Variants in TCTN1 observed in about 807,000 individuals in gnomAD.
TCTN1 encodes tectonic-1.
A neutral mutation model predicts 65.8 loss-of-function variants in TCTN1; 58 were observed. That is an observed-to-expected ratio of 0.88 (90% CI 0.71 to 1.10). TCTN1 has a LOEUF of 1.10. Ranked by LOEUF, TCTN1 falls within the 50% of genes least tolerant of loss-of-function variation. The probability of loss-of-function intolerance (pLI) is 0.00; values close to 1 mark genes in which losing one functional copy is unlikely to be tolerated. For missense variants in TCTN1, 645 were observed against 719.4 expected (o/e 0.90, Z 1.18); for synonymous variants, 273 against 289.1 (o/e 0.94, Z 0.57).
At chr12:110,645,570 C>T (rs1194795971) in intron 12 of TCTN1, 1 of 236,234 alleles carries the variant, frequency 4.2e-6, no homozygotes. Context: ...AAGACTGAGA[C>T]TGACTTCCGT....
At chr12:110,628,405 A>G (rs553934388) in intron 3 of TCTN1, among the ~76,000 whole-genome samples, 2 of 147,264 alleles carry the variant, frequency 1.4e-5, no homozygotes, top group African/African-American at 2.5e-5. Flanking sequence ...CAGTGGCGCT[A>G]TCTCAGCTCA....
chr12:110,624,965 A>T (rs190659027), intron 2 of TCTN1, among the ~76,000 whole-genome samples: 3 of 152,260 alleles, frequency 2.0e-5, no homozygotes, highest in Admixed American at 1.3e-4. Context: ...AAGTGCTGGG[A>T]TTAGAGGCAT....
Position 110,628,868 on chromosome 12 carries a change from T to A in TCTN1, c.574T>A (p.Tyr192Asn), listed in dbSNP as rs370252911. 58 of 1,613,650 alleles carry A rather than the reference T, an allele frequency of 3.6e-5. No homozygotes were observed. The highest frequency in any genetic ancestry group is 5.0e-5 in the Admixed American group (3 of 59,998). Residue 192 changes from tyrosine to asparagine, a missense_variant, in exon 4 of 15, where the codon TAT (tyrosine) becomes AAT (asparagine). Transcript: ENST00000397659. ...TGGTTTTACATTGAATGCTGAATCA[T>A]ATGTTTCCTTCACAACCAAACTGGA... Reference protein sequence around the residue: ...SDGFTLNAESYVSFTTKLDIP... With the variant: ...SDGFTLNAESNVSFTTKLDIP...
At chr12:110,620,694 A>G (rs1393155338) in intron 2 of TCTN1, among the ~76,000 whole-genome samples, 3 of 152,198 alleles carry the variant, frequency 2.0e-5, no homozygotes, top group Admixed American at 2.0e-4. Flanking sequence ...TAAATCTACC[A>G]GGAATTCTCA....
chr12:110,641,100 G>T lies in TCTN1; in HGVS notation c.1055G>T (p.Ser352Ile), dbSNP rs2066919884. The change falls in exon 9 of 15, where the codon AGC becomes ATC. Residue 352 changes from serine to isoleucine, a missense_variant. Ser to Ile is a moderately radical substitution (Grantham distance 142). Coordinates refer to ENST00000397659, the MANE Select transcript of TCTN1 (RefSeq NM_001082538.3). The stretch of plus-strand genomic sequence containing the variant: ...CTCTCATTCGTTCTGGGGACAGTTA[G>T]CAGCGTAGTGGTCCCACTGCAGCAA... ...ADLSFVLGTV[S>I]SVVVPLQQKF... 6.2e-7 allele frequency: 1 copy of T among 1,614,224 alleles called. No homozygotes were observed. The highest frequency in any genetic ancestry group is 2.2e-5 in the East Asian group (1 of 44,892).
rs886048958 is a variant in TCTN1, at chr12:110,626,384, C to A, written c.364C>A (p.Gln122Lys). ...CAGGGGCGACAGCCAGTTTTGTAGT[C>A]AAAAAGCAGTCATCTATTCATTGAA... ...VVTGDSQFCS[Q>K]KAVIYSLNFT... Residue 122 changes from glutamine (Q) to lysine (K), a missense_variant, in exon 3 of 15, where the codon CAA (glutamine) becomes AAA (lysine). By Grantham distance (53) the Gln-to-Lys change is moderately conservative. Coordinates refer to ENST00000397659, the MANE Select transcript of TCTN1 (RefSeq NM_001082538.3). 3 of 1,592,966 alleles carry A rather than the reference C, an allele frequency of 1.9e-6. No homozygotes were observed. The highest frequency in any genetic ancestry group is 1.1e-5 in the South Asian group (1 of 89,402).
chr12:110,648,725 C>CTCCGA (rs2067588672), intron 14 of TCTN1: 1 of 248,144 alleles, frequency 4.0e-6, no homozygotes, highest in Admixed American at 5.7e-5. Context: ...CTAGCTTGCT[C>CTCCGA]TCCGACTGGC....
chr12:110,634,250 G>T (rs2066412533), intron 5 of TCTN1: 1 of 334,470 alleles, frequency 3.0e-6, no homozygotes, highest in Non-Finnish European at 6.0e-6. Flanking sequence ...GAAGCCTCAT[G>T]CCAGTTGCCT....
chr12:110,640,355 T>G lies in TCTN1; in HGVS notation c.844-28T>G. On this transcript the variant is annotated intron_variant, in intron 7 of 14. Transcript: ENST00000397659. This position sits in a 1 kb window ranked among gnomAD's most constrained non-coding sequence, Gnocchi z 4.9. Reference sequence around the variant, plus strand: ...GCCCATCCTCCCTGGGTAGAGCATCTTCAACACTCCAGGTCTTCACTCTGC... The same window carrying G: ...GCCCATCCTCCCTGGGTAGAGCATCGTCAACACTCCAGGTCTTCACTCTGC... The G allele has an allele frequency of 6.2e-7, 1 of 1,614,094 alleles. No homozygotes were observed. Among genetic ancestry groups the G allele is most frequent in the Non-Finnish European group, 8.5e-7 (1 of 1,179,984 alleles).
Position 110,645,309 on chromosome 12 carries a change from T to C in TCTN1, c.1494+180T>C, listed in dbSNP as rs140500631. On this transcript the variant is annotated intron_variant, in intron 12 of 14. Coordinates refer to ENST00000397659, the MANE Select transcript of TCTN1 (RefSeq NM_001082538.3). ...CAATGTTGCCTCTGGCCAGCAGTTT[T>C]ATGGCTTTGAGCCTCTGTTTTCATC... 4.3e-4 allele frequency: 316 copies of C among 732,268 alleles called. 2 individuals are homozygous for C. In the East Asian group the frequency reaches 6.8e-3, roughly 16 times the overall value. The allele number at this position is 732,268 out of a possible 1,614,324, so 45.4% of individuals were successfully genotyped here. A position where few individuals can be genotyped will look rare whatever the true frequency, so the allele number is the denominator to read the frequency against.
chr12:110,641,033 A>G lies in TCTN1; in HGVS notation c.988A>G (p.Ser330Gly), dbSNP rs777268617. The part of the protein sequence containing the change: ...CVNVVLEVKY[S>G]LTYTDAGEVT... ...ATCATTTTGTTTTTAGGTAAAGTAC[A>G]GCCTCACATACACAGATGCAGGTGA... The change falls in exon 9 of 15, where the codon AGC becomes GGC. Residue 330 changes from serine to glycine, a missense_variant. By Grantham distance (56) the Ser-to-Gly change is moderately conservative. Coordinates refer to ENST00000397659, the MANE Select transcript of TCTN1 (RefSeq NM_001082538.3). 1 of 1,614,268 alleles carries G rather than the reference A, an allele frequency of 6.2e-7. No individual in the cohort carries two copies. The highest frequency in any genetic ancestry group is 1.7e-5 in the Admixed American group (1 of 60,028).
chr12:110,644,703 A>C lies in TCTN1; in HGVS notation c.1332-264A>C, dbSNP rs2067184523. On this transcript the variant is annotated intron_variant, in intron 11 of 14. Coordinates refer to ENST00000397659, the MANE Select transcript of TCTN1 (RefSeq NM_001082538.3). This position sits in a 1 kb window ranked among gnomAD's most constrained non-coding sequence, Gnocchi z 4.6. The stretch of plus-strand genomic sequence containing the variant: ...AAACAAAACAAAAAAACCAAAAATC[A>C]AAACTTAAAAAACAAAAAACTGCTG... 2.1e-6 allele frequency: 1 copy of C among 486,902 alleles called. No individual in the cohort carries two copies. Among genetic ancestry groups the C allele is most frequent in the East Asian group, 4.0e-5 (1 of 24,782 alleles). 30.2% of individuals were successfully genotyped at this position (486,902 alleles called of 1,614,324 possible).
intron 7 of TCTN1, among the ~76,000 whole-genome samples, chr12:110,638,623 G>A (rs1158562705): frequency 3.3e-5 from 5 of 152,172 alleles, no homozygotes; most frequent in South Asian, 2.1e-4. Flanking sequence ...TTTCCTTCTC[G>A]GGACAGTTGA....
intron 12 of TCTN1, chr12:110,646,869 CTATAAACAGGTAGATGAAGT>C: frequency 2.9e-6 from 1 of 348,284 alleles, no homozygotes; most frequent in East Asian, 7.3e-5. Flanking sequence ...TGTGAGGCCG[CTATAAACAGGTAGATGAAGT>C]TAGAGCAGTT....
rs374065616 is a variant in TCTN1, at chr12:110,634,780, G to A, written c.822+1G>A. The A allele has an allele frequency of 4.9e-5, 78 of 1,601,776 alleles. No individual in the cohort carries two copies. Among genetic ancestry groups the A allele is most frequent in the Non-Finnish European group, 5.9e-5 (69 of 1,171,894 alleles). On this transcript the variant is annotated splice_donor_variant, in intron 6 of 14. Transcript: ENST00000397659. LOFTEE classifies it high-confidence loss of function. Reference sequence around the variant, plus strand: ...TTACAGCAGCCCGGAAATTCTGAGGGTAAGAATTATTTTGAAGTGGAACTT... The same window carrying A: ...TTACAGCAGCCCGGAAATTCTGAGGATAAGAATTATTTTGAAGTGGAACTT...
At chr12:110,629,019 A>G in intron 4 of TCTN1, 101 bp downstream of exon 4, 1 of 1,366,184 alleles carries the variant, frequency 7.3e-7, no homozygotes, top group Non-Finnish European at 1.0e-6. Context: ...CTTGAGACAG[A>G]GTTGATATTA....
intron 11 of TCTN1, among the ~76,000 whole-genome samples, chr12:110,642,710 G>C (rs190857029): frequency 3.2e-3 from 480 of 150,950 alleles, no homozygotes; most frequent in Non-Finnish European, 4.6e-3. Flanking sequence ...AAGGGATCCC[G>C]CCTCAGTCTC....
At chr12:110,635,655 AAAC>A (rs1331822055) in intron 6 of TCTN1, 1 of 152,342 alleles carries the variant, frequency 6.6e-6, no homozygotes, top group African/African-American at 2.4e-5. Context: ...TAACAAAACA[AAAC>A]AACTGCCCCG....
At chr12:110,643,848 T>A (rs1002093697) in intron 11 of TCTN1, 1 of 152,094 alleles carries the variant, frequency 6.6e-6, no homozygotes, top group African/African-American at 2.4e-5. Flanking sequence ...ATTTTTAAAA[T>A]TTTGGTAGAG....
Sources: gnomAD v4.1 joint callset for allele counts (sites outside exome capture counted in the v4.1 genomes callset) on GRCh38, gnomAD v4.1.1 for gene constraint, Gnocchi (gnomAD v3.1) non-coding constraint, MANE v1.5 for transcripts, NCBI Gene and HGNC (gene_info 2026-07-23, HGNC 2026-07-21) for gene names.